The following LDLRAD3 variants were observed in gnomAD, a reference collection of about 807,000 sequenced individuals.
LDLRAD3 encodes low-density lipoprotein receptor class A domain-containing protein 3.
Under a neutral mutation model 29.4 loss-of-function variants are expected in LDLRAD3, and 20 were observed. The ratio of observed to expected loss-of-function variants is 0.68; its 90% confidence interval spans 0.48 to 0.99. LDLRAD3 has a LOEUF of 0.99. Among genes scored for constraint, LDLRAD3 ranks in the 50% least tolerant of loss-of-function variants. The pLI is 0.00. For missense variants in LDLRAD3, 420 were observed against 454.3 expected, an observed-to-expected ratio of 0.92 and a Z score of 0.69; for synonymous variants, 157 against 192.7, an observed-to-expected ratio of 0.81 and a Z score of 1.53.
At chr11:36,166,615 G>A (rs1156383662) in intron 4 of LDLRAD3, among the ~76,000 whole-genome samples, 1 of 152,130 alleles carries the variant, frequency 6.6e-6, no homozygotes, top group Non-Finnish European at 1.5e-5. Context: ...TTTCTACTTT[G>A]TTTCTTAATT....
At chr11:36,118,411 G>A (rs1462616420) in intron 4 of LDLRAD3, among the ~76,000 whole-genome samples, 1 of 152,030 alleles carries the variant, frequency 6.6e-6, no homozygotes, top group Non-Finnish European at 1.5e-5. Context: ...GGAAACGTCT[G>A]CATGGCATTG....
chr11:35,999,031 G>T (rs1025915372), intron 1 of LDLRAD3, among the ~76,000 whole-genome samples: 12 of 152,200 alleles, frequency 7.9e-5, no homozygotes, highest in African/African-American at 2.4e-4. Context: ...CCCTGGATGT[G>T]TGATAACAAT....
At chr11:36,218,659 C>T (rs893408024) in intron 4 of LDLRAD3, among the ~76,000 whole-genome samples, 1 of 152,170 alleles carries the variant, frequency 6.6e-6, no homozygotes, top group African/African-American at 2.4e-5. Flanking sequence ...CCCAAGTTTT[C>T]AAACCTGGCA....
chr11:36,041,752 G>A (rs1852384518), intron 2 of LDLRAD3, among the ~76,000 whole-genome samples: 1 of 152,140 alleles, frequency 6.6e-6, no homozygotes, highest in Non-Finnish European at 1.5e-5. Flanking sequence ...TGGTTGAGGG[G>A]ATCTTGAATG....
chr11:36,076,945 G>A (rs1281822225), intron 2 of LDLRAD3, among the ~76,000 whole-genome samples: 2 of 151,970 alleles, frequency 1.3e-5, no homozygotes, highest in African/African-American at 4.8e-5. Context: ...GTGTGGTGGT[G>A]TTATTTACTA....
chr11:36,007,684 A>G (rs1851902305), intron 1 of LDLRAD3, among the ~76,000 whole-genome samples: 3 of 152,236 alleles, frequency 2.0e-5, no homozygotes, highest in Admixed American at 6.5e-5. Context: ...TATGAGCTGC[A>G]TCAGCCCTAA....
intron 4 of LDLRAD3, among the ~76,000 whole-genome samples, chr11:36,157,283 G>T (rs1284787174): frequency 4.6e-5 from 7 of 152,106 alleles, no homozygotes; most frequent in Non-Finnish European, 1.0e-4. Context: ...TTCCTGCTTA[G>T]TGCAGGATGT....
At chr11:35,977,440 C>T (rs573885768) in intron 1 of LDLRAD3, among the ~76,000 whole-genome samples, 43 of 152,026 alleles carry the variant, frequency 2.8e-4, no homozygotes, top group Admixed American at 2.0e-4. Flanking sequence ...ATAATGGGGC[C>T]GGGAGGAGTG....
chr11:36,009,066 T>C (rs568883087), intron 1 of LDLRAD3, among the ~76,000 whole-genome samples: 105 of 152,270 alleles, frequency 6.9e-4, no homozygotes, highest in Middle Eastern at 3.4e-3. Context: ...TCCAACACTC[T>C]GAGATCAAGG....
In LDLRAD3 at chr11:35,991,345, C is replaced by G. The variant is rs866056881; in HGVS notation, c.47-44758C>G. ...TCCTGTTATTATTGCTTCTTTTACC[C>G]CTGGGGCCCCAAACTGCAGAAGGCT... On this transcript the variant is annotated intron_variant, in intron 1 of 5. Transcript: ENST00000315571. Among the ~76,000 whole-genome samples the G allele has an allele frequency of 3.3e-5, 5 of 152,120 alleles. No individual in the cohort carries two copies. In the South Asian group the frequency reaches 6.2e-4, roughly 19 times the overall value.
chr11:36,118,635 A>G (rs553051645), intron 4 of LDLRAD3, among the ~76,000 whole-genome samples: 2 of 152,276 alleles, frequency 1.3e-5, no homozygotes, highest in East Asian at 3.9e-4. Context: ...AGAAGGTATC[A>G]GTCAATAAGT....
In LDLRAD3 at chr11:36,230,973, CCAG is replaced by C. The variant is rs1376425695; in HGVS notation, c.*1577_*1579del. Reference sequence around the variant, plus strand: ...TAGTTTTTCTTTTTTTTCTCTGTGTCCAGTCAGCCACAGGGCCCGCCTCCCTGC... The same window carrying C: ...TAGTTTTTCTTTTTTTTCTCTGTGTCTCAGCCACAGGGCCCGCCTCCCTGC... On this transcript the variant is annotated 3_prime_UTR_variant, in exon 6 of 6. Coordinates refer to ENST00000315571, the MANE Select transcript of LDLRAD3 (RefSeq NM_174902.4). 6 of 152,304 alleles carry C rather than the reference CCAG, an allele frequency of 3.9e-5. No individual in the cohort carries two copies. Among genetic ancestry groups the C allele is most frequent in the African/African-American group, 1.4e-4 (6 of 41,382 alleles). 9.4% of individuals were successfully genotyped at this position (152,304 alleles called of 1,614,324 possible).
chr11:36,025,388 G>GA (rs1044032362), intron 1 of LDLRAD3, among the ~76,000 whole-genome samples: 2 of 141,886 alleles, frequency 1.4e-5, no homozygotes, highest in African/African-American at 5.0e-5. Context: ...GCTGGCTTCA[G>GA]ATTTTTTTTT....
intron 1 of LDLRAD3, among the ~76,000 whole-genome samples, chr11:35,975,217 C>G (rs1488279830): frequency 6.6e-6 from 1 of 152,140 alleles, no homozygotes; most frequent in African/African-American, 2.4e-5. Flanking sequence ...TACATTTGGC[C>G]CCGAAATTCT....
intron 2 of LDLRAD3, among the ~76,000 whole-genome samples, chr11:36,051,976 T>A (rs1852535558): frequency 6.7e-6 from 1 of 150,006 alleles, no homozygotes; most frequent in Non-Finnish European, 1.5e-5. Context: ...GGAATAGAAT[T>A]CTTAGAAACA....
At chr11:36,202,437 A>G (rs564912711) in intron 4 of LDLRAD3, among the ~76,000 whole-genome samples, 150 of 152,284 alleles carry the variant, frequency 9.9e-4, no homozygotes, top group African/African-American at 3.5e-3. Flanking sequence ...AGCCATTCCT[A>G]CAGGCCAGAG....
At chr11:36,029,623 A>G (rs1852211061) in intron 1 of LDLRAD3, among the ~76,000 whole-genome samples, 1 of 152,250 alleles carries the variant, frequency 6.6e-6, no homozygotes. Flanking sequence ...CAGGCCCTTA[A>G]TGAGGCTATA....
At chr11:36,061,269 G>T (rs1852694673) in intron 2 of LDLRAD3, among the ~76,000 whole-genome samples, 1 of 152,190 alleles carries the variant, frequency 6.6e-6, no homozygotes, top group Admixed American at 6.5e-5. Flanking sequence ...CTCCTGAGTA[G>T]CTGGGACTGC....
chr11:36,056,262 G>A (rs1425574244), intron 2 of LDLRAD3, among the ~76,000 whole-genome samples: 2 of 152,050 alleles, frequency 1.3e-5, no homozygotes, highest in Admixed American at 1.3e-4. Flanking sequence ...CAAAGTGCTG[G>A]GTTTACAGGT....
Sources: allele counts gnomAD v4.1 joint callset (sites outside exome capture counted in the v4.1 genomes callset), GRCh38; gene constraint gnomAD v4.1.1; transcripts MANE v1.5; gene names NCBI Gene and HGNC (gene_info 2026-07-23, HGNC 2026-07-21).